Variants in FMNL2 observed in about 807,000 individuals in gnomAD.
FMNL2 encodes formin like 2, also known as formin-like protein 2.
FMNL2 carries 51 observed loss-of-function variants against 130.2 expected under a neutral mutation model. The observed-to-expected ratio is 0.39, with a 90% CI of 0.31 to 0.49. FMNL2 has a LOEUF of 0.49. Ranked by LOEUF, FMNL2 falls within the 20% of genes least tolerant of loss-of-function variation. The pLI is 0.85. For missense variants in FMNL2, 977 were observed against 1,316.2 expected (o/e 0.74, Z 3.99); for synonymous variants, 465 against 467.1 (o/e 1.00, Z 0.06).
intron 21 of FMNL2, among the ~76,000 whole-genome samples, chr2:152,633,602 T>C (rs1332171447): frequency 6.6e-6 from 1 of 152,158 alleles, no homozygotes; most frequent in African/African-American, 2.4e-5. Flanking sequence ...TGAAGAACTA[T>C]ATGACGCAGG....
chr2:152,622,407 T>C, intron 15 of FMNL2: 1 of 439,546 alleles, frequency 2.3e-6, no homozygotes, highest in Non-Finnish European at 4.6e-6. Context: ...TTTTTGGCTC[T>C]GTGCCGCCTT....
chr2:152,595,158 C>T (rs1353020956), intron 9 of FMNL2, among the ~76,000 whole-genome samples: 4 of 152,250 alleles, frequency 2.6e-5, no homozygotes, highest in Non-Finnish European at 4.4e-5. Context: ...CCAAGAACAA[C>T]ACTGAATTTT....
intron 1 of FMNL2, among the ~76,000 whole-genome samples, chr2:152,454,072 G>C (rs1372758100): frequency 2.0e-5 from 3 of 151,990 alleles, no homozygotes; most frequent in Admixed American, 6.6e-5. Flanking sequence ...TCAGGAGTTC[G>C]AGACCAGCCT....
At chr2:152,594,042 G>C (rs1313660942) in intron 9 of FMNL2, among the ~76,000 whole-genome samples, 2 of 152,108 alleles carry the variant, frequency 1.3e-5, no homozygotes, top group Non-Finnish European at 2.9e-5. Context: ...GGGCTAGAAG[G>C]ATGCTCAGAA....
chr2:152,543,608 A>T (rs1280761421), intron 3 of FMNL2, among the ~76,000 whole-genome samples: 1 of 152,036 alleles, frequency 6.6e-6, no homozygotes, highest in Non-Finnish European at 1.5e-5. Context: ...TTCTTGAGAA[A>T]AGAATGGTAT....
chr2:152,581,362 G>C (rs1330078425), intron 9 of FMNL2, among the ~76,000 whole-genome samples: 1 of 152,172 alleles, frequency 6.6e-6, no homozygotes, highest in East Asian at 1.9e-4. Context: ...CATTGGGGTT[G>C]ATATTGGCAC....
rs1157200679 is a variant in FMNL2 at position 152,593,598 on chromosome 2, G to A, written c.876+12549G>A. ...GCAATAAGAGATAGGGTGATCCACC[G>A]AATATGAGAATGGACACGAGGAGAA... On this transcript the variant is annotated intron_variant, in intron 9 of 25. Transcript: ENST00000288670. Among the ~76,000 whole-genome samples, 6 of 152,084 alleles carry A rather than the reference G, an allele frequency of 3.9e-5. No homozygotes were observed. In the South Asian group the frequency reaches 8.3e-4, roughly 21 times the overall value.
intron 1 of FMNL2, among the ~76,000 whole-genome samples, chr2:152,467,978 A>G (rs1366939096): frequency 6.6e-6 from 1 of 152,226 alleles, no homozygotes; most frequent in Non-Finnish European, 1.5e-5. Flanking sequence ...AGTGATCAGA[A>G]GATCTGGATT....
chr2:152,375,877 C>CTCTATATATATATATATATATATATATA (rs796954245), intron 1 of FMNL2, among the ~76,000 whole-genome samples: 2 of 112,484 alleles, frequency 1.8e-5, no homozygotes, highest in East Asian at 5.4e-4. Context: ...CTCTCTCTCT[C>CTCTATATATATATATATATATATATATA]TATATATATA....
chr2:152,381,287 T>C (rs1166974139), intron 1 of FMNL2, among the ~76,000 whole-genome samples: 3 of 152,154 alleles, frequency 2.0e-5, no homozygotes, highest in Non-Finnish European at 4.4e-5. Flanking sequence ...CTTTTGAAAA[T>C]TTCTGCCATG....
At chr2:152,356,577 G>C (rs1410994251) in intron 1 of FMNL2, among the ~76,000 whole-genome samples, 1 of 152,150 alleles carries the variant, frequency 6.6e-6, no homozygotes, top group Non-Finnish European at 1.5e-5. Context: ...GTGCTTTTAT[G>C]GTCACTCACA....
intron 1 of FMNL2, among the ~76,000 whole-genome samples, chr2:152,422,201 G>A (rs1323276879): frequency 6.6e-6 from 1 of 152,198 alleles, no homozygotes; most frequent in African/African-American, 2.4e-5. Context: ...GGCTTAAATT[G>A]TTTTGTGGGT....
intron 1 of FMNL2, among the ~76,000 whole-genome samples, chr2:152,435,445 G>C (rs1158791730): frequency 6.6e-6 from 1 of 152,082 alleles, no homozygotes. Flanking sequence ...TTTTTCTTCT[G>C]TCACTTATGC....
chr2:152,432,324 C>G (rs1297888000), intron 1 of FMNL2, among the ~76,000 whole-genome samples: 1 of 152,072 alleles, frequency 6.6e-6, no homozygotes, highest in Non-Finnish European at 1.5e-5. Flanking sequence ...ATGATTCAAT[C>G]ATTCTCTGAT....
intron 14 of FMNL2, 78 bp from the exon 15 acceptor site, chr2:152,619,431 C>G: frequency 1.3e-6 from 2 of 1,540,554 alleles, no homozygotes; most frequent in Non-Finnish European, 1.8e-6. Flanking sequence ...TTTCAGATGG[C>G]TTTATATGCA....
rs777426299 is a variant in FMNL2, at chr2:152,487,490, CAAT to C, written c.118-34452_118-34450del. Among the ~76,000 whole-genome samples the C allele has an allele frequency of 8.3e-4, 126 of 152,242 alleles. 1 individual carries two copies. The highest frequency in any genetic ancestry group is 2.8e-3 in the African/African-American group (117 of 41,546). On this transcript the variant is annotated intron_variant, in intron 1 of 25. Transcript: ENST00000288670. ...AAGGTAGAAATTTTACATTATCTAT[CAAT>C]GATATCGGCGAAAACTAAAATTATT... is the stretch of plus-strand genomic sequence containing the variant.
At chr2:152,546,225 G>C (rs1694623600) in intron 3 of FMNL2, among the ~76,000 whole-genome samples, 1 of 152,152 alleles carries the variant, frequency 6.6e-6, no homozygotes, top group African/African-American at 2.4e-5. Flanking sequence ...AATACTTAAG[G>C]CTAGGTAATT....
At chr2:152,416,140 T>C (rs1291534596) in intron 1 of FMNL2, among the ~76,000 whole-genome samples, 1 of 152,142 alleles carries the variant, frequency 6.6e-6, no homozygotes, top group Non-Finnish European at 1.5e-5. Flanking sequence ...AGGGATAGTG[T>C]TATGGACATA....
chr2:152,410,035 G>T (rs933535436), intron 1 of FMNL2, among the ~76,000 whole-genome samples: 1 of 152,150 alleles, frequency 6.6e-6, no homozygotes, highest in Admixed American at 6.5e-5. Flanking sequence ...AAGAAGCAAC[G>T]GGGGTGGCAG....
Sources: allele counts gnomAD v4.1 joint callset (sites outside exome capture counted in the v4.1 genomes callset), GRCh38; gene constraint gnomAD v4.1.1; transcripts MANE v1.5; gene names NCBI Gene and HGNC (gene_info 2026-07-23, HGNC 2026-07-21).